NAV1: variants seen among roughly 807,000 people sequenced by gnomAD.
NAV1 encodes the protein neuron navigator 1.
A neutral mutation model predicts 175.2 loss-of-function variants in NAV1; 18 were observed. The ratio of observed to expected loss-of-function variants is 0.10; its 90% CI spans 0.07 to 0.15. The LOEUF is 0.15. Ranked by LOEUF, NAV1 falls within the 10% of genes least tolerant of loss-of-function variation. The probability of loss-of-function intolerance (pLI) is 1.00; values close to 1 mark genes in which losing one functional copy is unlikely to be tolerated. For synonymous variants in NAV1, 897 were observed against 978.7 expected (o/e 0.92, Z 1.56); for missense variants, 1,731 against 2,436.6 (o/e 0.71, Z 6.10).
At chr1:201,583,106 A>T (rs1169876207) in intron 1 of NAV1, among the ~76,000 whole-genome samples, 1 of 152,154 alleles carries the variant, frequency 6.6e-6, no homozygotes, top group African/African-American at 2.4e-5. Context: ...CAGGTGTCTG[A>T]GTGGGGCCAA....
chr1:201,738,757 A>C (rs999283773), intron 3 of NAV1, among the ~76,000 whole-genome samples: 17 of 152,134 alleles, frequency 1.1e-4, no homozygotes, highest in African/African-American at 4.1e-4. Flanking sequence ...CTGCCCAAAC[A>C]CTAGAGACTA....
At chr1:201,716,138 T>C (rs188553127) in intron 2 of NAV1, among the ~76,000 whole-genome samples, 1 of 152,274 alleles carries the variant, frequency 6.6e-6, no homozygotes, top group East Asian at 1.9e-4. Flanking sequence ...ACTCCCACAC[T>C]AGTATATAAC....
rs1196140024 is a variant in NAV1 at position 201,812,801 on chromosome 1, C to T, written c.5221+140C>T. 1.3e-6 allele frequency: 1 copy of T among 742,228 alleles called. No homozygotes were observed. The highest frequency in any genetic ancestry group is 2.7e-5 in the East Asian group (1 of 37,704). The allele number at this position is 742,228 out of a possible 1,614,324, so 46.0% of individuals were successfully genotyped here. ...AGCCTTGTGGCTTCAGACTTAGAACCACTTAACGAGCCTTCCCAACACAGT... is the reference window on the plus strand; with the variant it reads ...AGCCTTGTGGCTTCAGACTTAGAACTACTTAACGAGCCTTCCCAACACAGT... On this transcript the variant is annotated intron_variant, in intron 27 of 29. Transcript: ENST00000367296. This position sits in a 1 kb window ranked among gnomAD's most constrained non-coding sequence, Gnocchi z 4.6.
At chr1:201,597,094 G>C (rs1396647521) in intron 2 of NAV1, among the ~76,000 whole-genome samples, 1 of 152,148 alleles carries the variant, frequency 6.6e-6, no homozygotes, top group Admixed American at 6.5e-5. Flanking sequence ...CCAAAGTGCT[G>C]GGATTACAGA....
Position 201,787,691 on chromosome 1 carries a change from G to A in NAV1, c.2996-777G>A, listed in dbSNP as rs1334176965. 2.2e-6 allele frequency: 1 copy of A among 456,276 alleles called. No homozygotes were observed. Among genetic ancestry groups the A allele is most frequent in the South Asian group, 1.5e-5 (1 of 64,570 alleles). The allele number at this position is 456,276 out of a possible 1,614,324, so 28.3% of individuals were successfully genotyped here. A position where few individuals can be genotyped will look rare whatever the true frequency, so the allele number is the denominator to read the frequency against. ...GATTAGACATCCACCTGCCTGTATG[G>A]AGGCAGAAGAATAGACAAGGGAGCT... On this transcript the variant is annotated intron_variant, in intron 9 of 29. Transcript: ENST00000367296. The surrounding 1 kb of genome is among the most constrained non-coding windows in gnomAD (Gnocchi z 4.3).
chr1:201,814,080 AC>A (rs202005127), intron 28 of NAV1, among the ~76,000 whole-genome samples: 6 of 151,542 alleles, frequency 4.0e-5, no homozygotes, highest in East Asian at 1.9e-4. Context: ...AAACAAACAA[AC>A]AAAAAAACTT....
rs1359289525 is a variant in NAV1 at position 201,740,658 on chromosome 1, C to T, written c.1226+21903C>T. Among the ~76,000 whole-genome samples, 2 of 152,068 alleles carry T rather than the reference C, an allele frequency of 1.3e-5. No individual in the cohort carries two copies. Among genetic ancestry groups the T allele is most frequent in the East Asian group, 3.9e-4 (2 of 5,172 alleles). On this transcript the variant is annotated intron_variant, in intron 3 of 29. Transcript: ENST00000367296. The surrounding 1 kb of genome is among the most constrained non-coding windows in gnomAD (Gnocchi z 4.7). ...TGACCGTACTGCTGGCTGGATACTT[C>T]CGAGAGAGAGTGAAGCCTGGTGCTC...
At chr1:201,672,971 C>G (rs1368030909) in intron 1 of NAV1, 1 of 152,208 alleles carries the variant, frequency 6.6e-6, no homozygotes, top group East Asian at 1.9e-4. Flanking sequence ...ATGTAGAACT[C>G]TGCCCACTGG....
At position 201,739,062 on chromosome 1, in the gene NAV1, G is replaced by C. The variant is rs535501575; in HGVS notation, c.1226+20307G>C. ...GTGAAGTTACCAGGAGGACCCTCAG[G>C]GGGGAGGAACCCAATGGGAGGACCC... On this transcript the variant is annotated intron_variant, in intron 3 of 29. Transcript: ENST00000367296. Among the ~76,000 whole-genome samples the C allele has an allele frequency of 9.5e-4, 145 of 152,246 alleles. No homozygotes were observed. The South Asian group carries it at 9.5e-3, about 10-fold the overall frequency.
chr1:201,697,201 A>G (rs1233299581), intron 1 of NAV1, among the ~76,000 whole-genome samples: 1 of 152,110 alleles, frequency 6.6e-6, no homozygotes, highest in Non-Finnish European at 1.5e-5. Context: ...CATCCTGGAA[A>G]TGGGGGGGCA....
At chr1:201,547,883 C>T (rs556830468) in intron 1 of NAV1, among the ~76,000 whole-genome samples, 42 of 152,306 alleles carry the variant, frequency 2.8e-4, no homozygotes, top group Non-Finnish European at 5.4e-4. Context: ...CAACCTCCAC[C>T]TCCCAGGTTC....
chr1:201,621,337 T>C (rs1379128915), upstream of NAV1, among the ~76,000 whole-genome samples: 153 of 144,386 alleles, frequency 1.1e-3, no homozygotes, highest in Non-Finnish European at 3.5e-4. Flanking sequence ...TCTTTCTTTT[T>C]TTTTTTTTTT....
At chr1:201,642,298 C>T (rs1358474257) in intron 2 of NAV1, among the ~76,000 whole-genome samples, 19 of 151,370 alleles carry the variant, frequency 1.3e-4, no homozygotes, top group African/African-American at 4.1e-4. Flanking sequence ...CTGCAGGCTC[C>T]GCCTCCCGGG....
chr1:201,634,474 G>C (rs958141158), intron 2 of NAV1, among the ~76,000 whole-genome samples: 1 of 152,164 alleles, frequency 6.6e-6, no homozygotes, highest in Admixed American at 6.5e-5. Context: ...ACTCAAGTCT[G>C]GGAGTTCTCC....
chr1:201,567,501 C>G (rs532650135), intron 1 of NAV1, among the ~76,000 whole-genome samples: 2 of 152,340 alleles, frequency 1.3e-5, no homozygotes, highest in African/African-American at 4.8e-5. Flanking sequence ...TCAGCCACCC[C>G]TCTTGGTTCT....
intron 29 of NAV1, among the ~76,000 whole-genome samples, chr1:201,818,812 T>C (rs2678210): frequency 0.23 from 34,867 of 152,208 alleles, 4,782 homozygotes; most frequent in Non-Finnish European, 0.31. Context: ...ATCTTTCCCA[T>C]AGGAAATTCT....
chr1:201,812,365 A>T lies in NAV1; in HGVS notation c.5025-100A>T. The T allele has an allele frequency of 8.6e-7, 1 of 1,165,924 alleles. No individual in the cohort carries two copies. Among genetic ancestry groups the T allele is most frequent in the Non-Finnish European group, 1.2e-6 (1 of 802,722 alleles). The allele number at this position is 1,165,924 out of a possible 1,614,324, so 72.2% of individuals were successfully genotyped here. A position where few individuals can be genotyped will look rare whatever the true frequency, so the allele number is the denominator to read the frequency against. On this transcript the variant is annotated intron_variant, in intron 26 of 29. Transcript: ENST00000367296. The surrounding 1 kb of genome is among the most constrained non-coding windows in gnomAD (Gnocchi z 4.6). ...CTTGAAAAGAAACCAAGTAGGCATT[A>T]GTGAGAAGCAGGCAGAAGGAGGGAC...
intron 1 of NAV1, among the ~76,000 whole-genome samples, chr1:201,588,097 T>C (rs1161715160): frequency 6.6e-6 from 1 of 152,150 alleles, no homozygotes; most frequent in Non-Finnish European, 1.5e-5. Flanking sequence ...CTCAAGAGAG[T>C]TGAAGACATA....
At chr1:201,790,981 T>G in intron 13 of NAV1, 1 of 567,210 alleles carries the variant, frequency 1.8e-6, no homozygotes, top group Admixed American at 3.0e-5. Context: ...GCTTCTACTC[T>G]AATTAATAGG....
Sources: gnomAD v4.1 joint callset for allele counts (sites outside exome capture counted in the v4.1 genomes callset) on GRCh38, gnomAD v4.1.1 for gene constraint, Gnocchi (gnomAD v3.1) non-coding constraint, MANE v1.5 for transcripts, NCBI Gene and HGNC (gene_info 2026-07-23, HGNC 2026-07-21) for gene names.